Variants in IQGAP1 observed in about 807,000 individuals in gnomAD.
IQGAP1 encodes IQ motif containing GTPase activating protein 1, also known as ras GTPase-activating-like protein IQGAP1.
In IQGAP1, 66 loss-of-function variants were observed where a neutral mutation model predicts 215.6. The ratio of observed to expected loss-of-function variants is 0.31; its 90% CI spans 0.25 to 0.38. The LOEUF (loss-of-function observed/expected upper bound fraction) is 0.38. IQGAP1 is among the 10% of genes least tolerant of loss of function. IQGAP1 has a pLI of 1.00. For missense variants in IQGAP1, 1,712 were observed against 1,997.1 expected, an observed-to-expected ratio of 0.86 and a Z score of 2.72; for synonymous variants, 772 against 728.7, an observed-to-expected ratio of 1.06 and a Z score of -0.96.
chr15:90,418,121 A>G (rs962524939), intron 2 of IQGAP1, among the ~76,000 whole-genome samples: 12 of 152,192 alleles, frequency 7.9e-5, no homozygotes, highest in Non-Finnish European at 7.4e-5. Context: ...GCTGACTGGT[A>G]TTCAGCACAA....
In IQGAP1 at chr15:90,487,508, A is replaced by C; in HGVS notation, c.4174A>C (p.Ile1392Leu). 6.2e-7 allele frequency: 1 copy of C among 1,613,868 alleles called. No homozygotes were observed. The highest frequency in any genetic ancestry group is 8.5e-7 in the Non-Finnish European group (1 of 1,179,728). The change falls in exon 33 of 38, where the codon ATT (isoleucine) becomes CTT (leucine). Residue 1392 changes from isoleucine to leucine, a missense_variant. Physicochemically the swap from Ile to Leu is conservative, Grantham distance 5. Around this residue, in one of 2 missense-constraint regions of IQGAP1, gnomAD observed 691 missense variants for 923.0 expected, o/e 0.75. Transcript: ENST00000268182. ...RTILLNTKRL[I>L]VDVIRFQPGE... is the part of the protein sequence containing the mutation. The stretch of plus-strand genomic sequence containing the variant: ...ATCTCGTTTCAGTACAAAACGTTTA[A>C]TTGTGGATGTCATCCGGTTCCAGCC...
chr15:90,444,443 A>G (rs562381592), intron 9 of IQGAP1, among the ~76,000 whole-genome samples: 1 of 151,902 alleles, frequency 6.6e-6, no homozygotes, highest in Non-Finnish European at 1.5e-5. Context: ...TGCCACACCC[A>G]GCTGATTTTT....
At chr15:90,474,811 A>G in intron 23 of IQGAP1, 118 bp downstream of exon 23, 3 of 729,328 alleles carry the variant, frequency 4.1e-6, no homozygotes, top group Non-Finnish European at 6.9e-6. Flanking sequence ...CTACTGCCAT[A>G]AGAGCTTTTT....
intron 5 of IQGAP1, among the ~76,000 whole-genome samples, chr15:90,434,792 G>A (rs1008709923): frequency 3.9e-5 from 6 of 152,046 alleles, no homozygotes; most frequent in African/African-American, 9.7e-5. Flanking sequence ...GGTCATGTTG[G>A]TGCTTAAAAA....
chr15:90,406,968 T>C (rs1032381445), intron 2 of IQGAP1, among the ~76,000 whole-genome samples: 1 of 152,214 alleles, frequency 6.6e-6, no homozygotes, highest in African/African-American at 2.4e-5. Context: ...ATGGTTCCAC[T>C]GTCCTCTGGA....
intron 2 of IQGAP1, among the ~76,000 whole-genome samples, chr15:90,410,675 G>C (rs1291254046): frequency 1.3e-5 from 2 of 151,170 alleles, no homozygotes; most frequent in Non-Finnish European, 3.0e-5. Context: ...ATCACACACT[G>C]GGGCCTGTTG....
intron 33 of IQGAP1, among the ~76,000 whole-genome samples, chr15:90,489,012 A>C (rs953126152): frequency 6.6e-6 from 1 of 152,174 alleles, no homozygotes; most frequent in Admixed American, 6.5e-5. Flanking sequence ...CTATTAGAGC[A>C]GATGTAGTTG....
intron 7 of IQGAP1, 56 bp from the exon 8 acceptor site, chr15:90,441,450 G>A: frequency 2.8e-6 from 4 of 1,449,712 alleles, no homozygotes; most frequent in East Asian, 2.3e-5. Context: ...TATACATCCT[G>A]TAATCTATAT....
At position 90,473,787 on chromosome 15, in the gene IQGAP1, G is replaced by A; in HGVS notation, c.2422G>A (p.Glu808Lys). ...AGCTTACCTGCGCTCCCACAAAGAT[G>A]AAGTTGTAAAGGTATGGTAGCCTGA... ...RLAYLRSHKD[E>K]VVKIQSLARM... The change falls in exon 20 of 38, where the codon GAA becomes AAA. Residue 808 changes from glutamate (E) to lysine (K), a missense_variant. Transcript: ENST00000268182. 1 of 1,612,730 alleles carries A rather than the reference G, an allele frequency of 6.2e-7. No individual in the cohort carries two copies. The highest frequency in any genetic ancestry group is 8.5e-7 in the Non-Finnish European group (1 of 1,179,600).
intron 2 of IQGAP1, chr15:90,393,531 A>C (rs1964667959): frequency 6.6e-6 from 1 of 152,030 alleles, no homozygotes; most frequent in Non-Finnish European, 1.5e-5. Flanking sequence ...AGGAGGGCCG[A>C]CTGTATTTTA....
At chr15:90,417,669 T>A (rs1411492355) in intron 2 of IQGAP1, among the ~76,000 whole-genome samples, 1 of 152,250 alleles carries the variant, frequency 6.6e-6, no homozygotes, top group East Asian at 1.9e-4. Flanking sequence ...TTTGTTCTTT[T>A]GGCTTAGGAT....
intron 3 of IQGAP1, 72 bp from the exon 4 acceptor site, chr15:90,429,517 T>G (rs1965273343): frequency 8.5e-7 from 1 of 1,169,702 alleles, no homozygotes. Context: ...AGGAAACTTT[T>G]GCGAAGAGAG....
intron 2 of IQGAP1, among the ~76,000 whole-genome samples, chr15:90,395,923 G>A (rs563499991): frequency 5.3e-5 from 8 of 152,224 alleles, no homozygotes; most frequent in Admixed American, 2.0e-4. Context: ...CCTGGTGTGC[G>A]CTTTCAAGTC....
intron 18 of IQGAP1, among the ~76,000 whole-genome samples, chr15:90,472,487 A>G (rs1306852596): frequency 6.6e-6 from 1 of 152,088 alleles, no homozygotes; most frequent in Non-Finnish European, 1.5e-5. Context: ...GGTACGTGGC[A>G]CACAGCCCTG....
intron 20 of IQGAP1, 26 bp downstream of exon 20, chr15:90,473,824 C>T: frequency 2.5e-6 from 4 of 1,610,516 alleles, no homozygotes; most frequent in Non-Finnish European, 3.4e-6. Flanking sequence ...CAGGGTTTCT[C>T]CATGAGGGGC....
intron 2 of IQGAP1, among the ~76,000 whole-genome samples, chr15:90,424,609 G>A (rs1417923001): frequency 6.6e-6 from 1 of 152,138 alleles, no homozygotes. Flanking sequence ...GGCCGAGGTG[G>A]GTGGATCACC....
intron 1 of IQGAP1, among the ~76,000 whole-genome samples, chr15:90,389,346 T>A (rs1176314085): frequency 6.6e-6 from 1 of 151,102 alleles, no homozygotes; most frequent in African/African-American, 2.4e-5. Context: ...GGTGACTTTT[T>A]TTTTTTTTTT....
At chr15:90,466,559 G>C (rs778338078) in intron 17 of IQGAP1, 123 bp downstream of exon 17, 69 of 907,482 alleles carry the variant, frequency 7.6e-5, no homozygotes, top group Non-Finnish European at 1.1e-4. Flanking sequence ...CAGTACTTAG[G>C]CTCATTTTAA....
At position 90,419,115 on chromosome 15, in the gene IQGAP1, A is replaced by G. The variant is rs552504919; in HGVS notation, c.156-6995A>G. 3.1e-4 allele frequency among the ~76,000 whole-genome samples: 47 copies of G among 149,458 alleles called. No homozygotes were observed. The South Asian group carries it at 7.8e-3, about 25-fold the overall frequency. ...GGCTGCAGTGAGCCATGATCACACC[A>G]CTACATAGACTCTGTCTCAAAAAAG... On this transcript the variant is annotated intron_variant, in intron 2 of 37. Transcript: ENST00000268182.
Sources: allele counts gnomAD v4.1 joint callset (sites outside exome capture counted in the v4.1 genomes callset), GRCh38; gene constraint gnomAD v4.1.1; regional missense constraint gnomAD v4.1.1; transcripts MANE v1.5; gene names NCBI Gene and HGNC (gene_info 2026-07-23, HGNC 2026-07-21).